The following PVR variants were observed in gnomAD, a reference collection of about 807,000 sequenced individuals.
PVR encodes the protein poliovirus receptor.
Under a neutral mutation model 43.3 loss-of-function variants are expected in PVR, and 39 were observed. The ratio of observed to expected loss-of-function variants is 0.90; its 90% CI spans 0.70 to 1.18. The LOEUF (loss-of-function observed/expected upper bound fraction) is 1.18. PVR is among the 50% of genes most tolerant of loss of function. The pLI is 0.00. For missense variants in PVR, 480 were observed against 549.7 expected, an observed-to-expected ratio of 0.87 and a Z score of 1.27; for synonymous variants, 224 against 233.2, an observed-to-expected ratio of 0.96 and a Z score of 0.36.
At chr19:44,651,478 C>T (rs1377971474) in intron 3 of PVR, among the ~76,000 whole-genome samples, 3 of 152,208 alleles carry the variant, frequency 2.0e-5, no homozygotes, top group East Asian at 1.9e-4. Context: ...TCAACTGTCT[C>T]CGCCGGGTGC....
chr19:44,647,231 G>A lies in PVR; in HGVS notation c.88G>A (p.Val30Ile), dbSNP rs1313248572. The A allele has an allele frequency of 2.6e-6, 4 of 1,541,918 alleles. No individual in the cohort carries two copies. Among genetic ancestry groups the A allele is most frequent in the Non-Finnish European group, 3.5e-6 (4 of 1,140,212 alleles). The change falls in exon 2 of 8, where the codon GTC becomes ATC. Residue 30 changes from valine (V) to isoleucine (I), a missense_variant. Transcript: ENST00000425690. Reference protein sequence around the residue: ...SWPPPGTGDVVVQAPTQVPGF... With the variant: ...SWPPPGTGDVIVQAPTQVPGF... ...TCTTCGGTTCTCCGCAGGGGACGTCGTCGTGCAGGCGCCCACCCAGGTGCC... is the reference window on the plus strand; with the variant it reads ...TCTTCGGTTCTCCGCAGGGGACGTCATCGTGCAGGCGCCCACCCAGGTGCC...
intron 7 of PVR, 138 bp downstream of exon 7, chr19:44,661,461 C>A: frequency 2.1e-6 from 2 of 962,622 alleles, no homozygotes; most frequent in Non-Finnish European, 3.2e-6. Context: ...CCAACCCTTC[C>A]TGCTGGGCGG....
intron 1 of PVR, among the ~76,000 whole-genome samples, chr19:44,646,324 C>A (rs1973112887): frequency 6.6e-6 from 1 of 152,152 alleles, no homozygotes; most frequent in Non-Finnish European, 1.5e-5. Flanking sequence ...CCAGGACCCA[C>A]CCAGAGTAAT....
chr19:44,656,229 C>A (rs1467750005), intron 4 of PVR, among the ~76,000 whole-genome samples: 1 of 152,172 alleles, frequency 6.6e-6, no homozygotes, highest in African/African-American at 2.4e-5. Context: ...TTTAACCAGT[C>A]CCTAGTAGAG....
chr19:44,654,579 A>G (rs373610459), intron 4 of PVR, among the ~76,000 whole-genome samples: 2 of 152,188 alleles, frequency 1.3e-5, no homozygotes, highest in African/African-American at 4.8e-5. Context: ...CACAGTCAGC[A>G]GCTGTTGCCC....
chr19:44,660,790 C>G (rs867829940), intron 6 of PVR, among the ~76,000 whole-genome samples: 4 of 152,094 alleles, frequency 2.6e-5, no homozygotes, highest in African/African-American at 7.2e-5. Context: ...TCCCAGAGTG[C>G]TGGAATTATA....
In PVR at chr19:44,647,371, C is replaced by G; in HGVS notation, c.228C>G (p.Ala76=). 6.2e-7 allele frequency: 1 copy of G among 1,613,910 alleles called. No homozygotes were observed. The highest frequency in any genetic ancestry group is 8.5e-7 in the Non-Finnish European group (1 of 1,179,932). The change falls in exon 2 of 8, where the codon GCC becomes GCG. Residue 76 remains alanine, a synonymous_variant. Transcript: ENST00000425690. The stretch of plus-strand genomic sequence containing the variant: ...GGCATGGTGAATCTGGCAGCATGGC[C>G]GTCTTCCACCAAACGCAGGGCCCCA... ...WARHGESGSM[A]VFHQTQGPSY...
At position 44,648,884 on chromosome 19, in the gene PVR, C is replaced by T. The variant is rs566088628; in HGVS notation, c.428-925C>T. On this transcript the variant is annotated intron_variant, in intron 2 of 7. Coordinates refer to ENST00000425690, the MANE Select transcript of PVR (RefSeq NM_006505.5). Reference sequence around the variant, plus strand: ...GTGAGTCAAGTTAAGGAGAAATCTTCGGTAAATAATATAGGTAATGATGGG... The same window carrying T: ...GTGAGTCAAGTTAAGGAGAAATCTTTGGTAAATAATATAGGTAATGATGGG... Among the ~76,000 whole-genome samples, 4 of 152,134 alleles carry T rather than the reference C, an allele frequency of 2.6e-5. No homozygotes were observed. In the South Asian group the frequency reaches 6.2e-4, roughly 24 times the overall value.
At chr19:44,660,799 T>G (rs1973571790) in intron 6 of PVR, among the ~76,000 whole-genome samples, 1 of 152,172 alleles carries the variant, frequency 6.6e-6, no homozygotes, top group African/African-American at 2.4e-5. Context: ...GCTGGAATTA[T>G]AGGTGTGAGC....
At chr19:44,644,903 A>G (rs1973035290) in intron 1 of PVR, among the ~76,000 whole-genome samples, 1 of 141,610 alleles carries the variant, frequency 7.1e-6, no homozygotes, top group South Asian at 2.1e-4. Context: ...TTTTTAGTAG[A>G]TACAGGATTT....
intron 4 of PVR, 65 bp downstream of exon 4, chr19:44,654,082 GC>G: frequency 7.4e-7 from 1 of 1,346,074 alleles, no homozygotes; most frequent in Non-Finnish European, 1.1e-6. Context: ...GGGAGGAGGG[GC>G]TGGGGGCCTG....
In PVR at chr19:44,646,806, C is replaced by T. The variant is rs1414887128; in HGVS notation, c.80-417C>T. 2.6e-5 allele frequency among the ~76,000 whole-genome samples: 4 copies of T among 152,152 alleles called. No individual in the cohort carries two copies. The East Asian group carries it at 7.7e-4, about 29-fold the overall frequency. On this transcript the variant is annotated intron_variant, in intron 1 of 7. Coordinates refer to ENST00000425690, the MANE Select transcript of PVR (RefSeq NM_006505.5). ...GAGAAGAAAAGAAAAAGTTCTGGCG[C>T]TATATAGTAGTAACGGTTGCACAAT...
intron 6 of PVR, among the ~76,000 whole-genome samples, chr19:44,660,823 C>A (rs916809488): frequency 1.3e-5 from 2 of 152,192 alleles, no homozygotes; most frequent in African/African-American, 4.8e-5. Flanking sequence ...CACGCCTGGC[C>A]AAGAGCAGGC....
At chr19:44,646,791 G>C (rs1973127028) in intron 1 of PVR, among the ~76,000 whole-genome samples, 1 of 151,982 alleles carries the variant, frequency 6.6e-6, no homozygotes, top group Non-Finnish European at 1.5e-5. Flanking sequence ...GAGAAGAAAA[G>C]AAAAAGTTCT....
chr19:44,654,665 C>T lies in PVR; in HGVS notation c.842+648C>T, dbSNP rs139693947. Among the ~76,000 whole-genome samples the T allele has an allele frequency of 2.0e-3, 299 of 152,356 alleles. No individual in the cohort carries two copies. In the Middle Eastern group the frequency reaches 0.034, roughly 17 times the overall value. ...GCGCTCGGCTCCAAAGCTGGTCCTC[C>T]GCCTCTTGGCCAAGCTTGTCTAACC... is the stretch of plus-strand genomic sequence containing the variant. On this transcript the variant is annotated intron_variant, in intron 4 of 7. Coordinates refer to ENST00000425690, the MANE Select transcript of PVR (RefSeq NM_006505.5).
rs750929652 is a variant in PVR, at chr19:44,644,139, G to T, written c.43G>T (p.Ala15Ser). The change falls in exon 1 of 8, where the codon GCG becomes TCG. Residue 15 changes from alanine to serine, a missense_variant. Transcript: ENST00000425690. ...CGCCGCGTGGCCGCTGCTGCTGGTG[G>T]CGCTACTGGTGCTGTCCTGGCCACC... ...MAAAWPLLLV[A>S]LLVLSWPPPG... The T allele has an allele frequency of 1.3e-6, 2 of 1,520,376 alleles. No individual in the cohort carries two copies. Among genetic ancestry groups the T allele is most frequent in the South Asian group, 2.4e-5 (2 of 82,262 alleles). The allele number at this position is 1,520,376 out of a possible 1,614,324, so 94.2% of individuals were successfully genotyped here.
rs1973221797 is a variant in PVR, at chr19:44,649,623, G to A, written c.428-186G>A. Among the ~76,000 whole-genome samples, 2 of 151,910 alleles carry A rather than the reference G, an allele frequency of 1.3e-5. 1 individual carries two copies. The highest frequency in any genetic ancestry group is 4.2e-4 in the South Asian group (2 of 4,816). On this transcript the variant is annotated intron_variant, in intron 2 of 7. Transcript: ENST00000425690. ...TTTTTAATAGAGACAGTTTCTCCATGTTGGCCAGGCTGGTCTCGAACTCCT... is the reference window on the plus strand; with the variant it reads ...TTTTTAATAGAGACAGTTTCTCCATATTGGCCAGGCTGGTCTCGAACTCCT...
rs761558953 is a variant in PVR at position 44,650,142 on chromosome 19, G to A, written c.724+37G>A. On this transcript the variant is annotated intron_variant, in intron 3 of 7. Transcript: ENST00000425690. The stretch of plus-strand genomic sequence containing the variant: ...CAAGTCAGCGATGGCAAGAACCCCT[G>A]CCGGGCTGCCCCCACCACTGTCTAC... 1.8e-5 allele frequency: 27 copies of A among 1,491,620 alleles called. No individual in the cohort carries two copies. In the Admixed American group the frequency reaches 1.9e-4, roughly 10 times the overall value. The allele number at this position is 1,491,620 out of a possible 1,614,324, so 92.4% of individuals were successfully genotyped here. A position where few individuals can be genotyped will look rare whatever the true frequency, so the allele number is the denominator to read the frequency against.
intron 3 of PVR, 68 bp downstream of exon 3, chr19:44,650,173 C>T: frequency 7.1e-7 from 1 of 1,410,974 alleles, no homozygotes; most frequent in South Asian, 1.5e-5. Flanking sequence ...TCTACACTGA[C>T]TCCCCAAGGC....
Sources: allele counts gnomAD v4.1 joint callset (sites outside exome capture counted in the v4.1 genomes callset), GRCh38; gene constraint gnomAD v4.1.1; transcripts MANE v1.5; gene names NCBI Gene and HGNC (gene_info 2026-07-23, HGNC 2026-07-21).